The following FAF1 variants were observed in gnomAD, a reference collection of about 807,000 sequenced individuals.
FAF1 encodes the protein FAS-associated factor 1.
A neutral mutation model predicts 92.5 loss-of-function variants in FAF1; 25 were observed. That is an observed-to-expected ratio of 0.27 (90% confidence interval 0.20 to 0.38). FAF1 has a LOEUF of 0.38. FAF1 is among the 10% of genes least tolerant of loss of function. FAF1 has a pLI of 1.00. For synonymous variants in FAF1, 234 were observed against 273.2 expected, an observed-to-expected ratio of 0.86 and a Z score of 1.42; for missense variants, 636 against 793.3, an observed-to-expected ratio of 0.80 and a Z score of 2.38.
intron 4 of FAF1, chr1:50,780,353 G>C (rs1269760323): frequency 1.3e-5 from 2 of 153,790 alleles, no homozygotes; most frequent in African/African-American, 4.8e-5. Context: ...GCTGCCAAAG[G>C]GTTTTAGTCC....
chr1:50,624,199 G>C (rs1288055206), intron 8 of FAF1, among the ~76,000 whole-genome samples: 1 of 152,106 alleles, frequency 6.6e-6, no homozygotes, highest in African/African-American at 2.4e-5. Context: ...CCAGGCTGGG[G>C]TGGAGTGGCG....
intron 13 of FAF1, among the ~76,000 whole-genome samples, chr1:50,541,995 A>G (rs1011949866): frequency 6.6e-5 from 10 of 152,218 alleles, no homozygotes; most frequent in African/African-American, 2.4e-5. Flanking sequence ...ATCGCAAAGC[A>G]CACAGCCATT....
intron 8 of FAF1, among the ~76,000 whole-genome samples, chr1:50,615,443 T>C (rs1021473122): frequency 2.0e-5 from 3 of 152,180 alleles, no homozygotes; most frequent in African/African-American, 4.8e-5. Context: ...CTTTGAGAAA[T>C]CTCCAAACTG....
intron 1 of FAF1, among the ~76,000 whole-genome samples, chr1:50,881,049 G>C (rs894005457): frequency 8.5e-5 from 13 of 152,204 alleles, no homozygotes; most frequent in Non-Finnish European, 1.8e-4. Flanking sequence ...TAATTAGTCT[G>C]AGTGGGGTTC....
chr1:50,953,208 A>C (rs1235519163), intron 1 of FAF1, among the ~76,000 whole-genome samples: 1 of 152,068 alleles, frequency 6.6e-6, no homozygotes, highest in Non-Finnish European at 1.5e-5. Flanking sequence ...GCTCCTTAAG[A>C]GTCATCACCA....
rs1294953353 is a variant in FAF1, at chr1:50,539,608, C to T, written c.1389G>A (p.Val463=). 6.2e-7 allele frequency: 1 copy of T among 1,612,636 alleles called. No individual in the cohort carries two copies. The highest frequency in any genetic ancestry group is 8.5e-7 in the Non-Finnish European group (1 of 1,179,198). Residue 463 remains valine, a synonymous_variant, in exon 14 of 19, where the codon GTG becomes GTA. Transcript: ENST00000396153. The part of the protein sequence containing the change: ...IIMGKRSSNE[V]LNVIQGNTTV... ...GTACTTTACCTTGTATCACATTCAA[C>T]ACTTCATTAGATGATCGCTTTCCCA...
intron 7 of FAF1, 73 bp from the exon 8 acceptor site, chr1:50,655,601 G>T: frequency 1.1e-6 from 1 of 898,986 alleles, no homozygotes; most frequent in Non-Finnish European, 1.8e-6. Context: ...CAATTTATGA[G>T]ACATACAGTG....
intron 18 of FAF1, among the ~76,000 whole-genome samples, chr1:50,454,670 G>C (rs1027000599): frequency 5.3e-5 from 8 of 152,184 alleles, no homozygotes; most frequent in African/African-American, 1.9e-4. Context: ...GTTTAAAGTG[G>C]AATGCAGGTA....
intron 15 of FAF1, 100 bp downstream of exon 15, chr1:50,535,269 C>T: frequency 1.3e-6 from 1 of 774,660 alleles, no homozygotes; most frequent in South Asian, 1.9e-5. Context: ...CTTCATCATC[C>T]TTATTTATCG....
At chr1:50,494,527 C>T (rs1646876505) in intron 15 of FAF1, among the ~76,000 whole-genome samples, 1 of 152,210 alleles carries the variant, frequency 6.6e-6, no homozygotes, top group Non-Finnish European at 1.5e-5. Flanking sequence ...TAGGCTATGG[C>T]TTGGGCTACT....
chr1:50,915,347 GCAACA>G (rs748064600), intron 1 of FAF1, among the ~76,000 whole-genome samples: 3,100 of 147,044 alleles, frequency 0.021, 51 homozygotes, highest in Non-Finnish European at 0.034. Context: ...TCCAGCCTGG[GCAACA>G]AGAGCGAAAC....
chr1:50,473,037 A>T (rs958870770), intron 18 of FAF1, among the ~76,000 whole-genome samples: 1 of 152,174 alleles, frequency 6.6e-6, no homozygotes, highest in African/African-American at 2.4e-5. Flanking sequence ...GCCTCTGTTC[A>T]TTCTGGAACC....
At chr1:50,840,940 T>C (rs1222910096) in intron 2 of FAF1, among the ~76,000 whole-genome samples, 1 of 152,058 alleles carries the variant, frequency 6.6e-6, no homozygotes, top group Non-Finnish European at 1.5e-5. Flanking sequence ...TATGGGTTAC[T>C]GAAGTTAAGA....
At chr1:50,474,845 G>C (rs113809118) in intron 18 of FAF1, among the ~76,000 whole-genome samples, 158 of 152,284 alleles carry the variant, frequency 1.0e-3, no homozygotes, top group African/African-American at 3.6e-3. Context: ...GAGCCTCTTG[G>C]TTCCCTACAA....
At chr1:50,736,435 G>A (rs1557501158) in intron 6 of FAF1, among the ~76,000 whole-genome samples, 1 of 152,146 alleles carries the variant, frequency 6.6e-6, no homozygotes, top group Non-Finnish European at 1.5e-5. Flanking sequence ...GATATTGTTT[G>A]TTTGATTCTA....
At chr1:50,912,983 CAGTT>C (rs1644896605) in intron 1 of FAF1, among the ~76,000 whole-genome samples, 1 of 152,154 alleles carries the variant, frequency 6.6e-6, no homozygotes. Flanking sequence ...ATGAACCAGC[CAGTT>C]AGTGAATTGG....
intron 14 of FAF1, among the ~76,000 whole-genome samples, chr1:50,537,086 C>G (rs1207534090): frequency 6.6e-6 from 1 of 152,106 alleles, no homozygotes; most frequent in Non-Finnish European, 1.5e-5. Flanking sequence ...TGCCACCACA[C>G]CTAACCAATG....
chr1:50,592,991 T>C (rs954764622), intron 9 of FAF1, among the ~76,000 whole-genome samples: 8 of 150,008 alleles, frequency 5.3e-5, no homozygotes, highest in Admixed American at 4.6e-4. Flanking sequence ...CAAAGTCATG[T>C]AGGAGTAGAA....
At chr1:50,651,271 T>G (rs923448150) in intron 8 of FAF1, among the ~76,000 whole-genome samples, 9 of 152,234 alleles carry the variant, frequency 5.9e-5, no homozygotes, top group Non-Finnish European at 1.0e-4. Flanking sequence ...ATCTAGTTAA[T>G]TAACTTCTTT....
Sources: gnomAD v4.1 joint callset for allele counts (sites outside exome capture counted in the v4.1 genomes callset) on GRCh38, gnomAD v4.1.1 for gene constraint, MANE v1.5 for transcripts, NCBI Gene and HGNC (gene_info 2026-07-23, HGNC 2026-07-21) for gene names.